Variants in NKAIN3 observed in about 807,000 individuals in gnomAD.
NKAIN3 encodes sodium/potassium-transporting ATPase subunit beta-1-interacting protein 3.
Under a neutral mutation model 30.2 loss-of-function variants are expected in NKAIN3, and 25 were observed. The observed-to-expected ratio is 0.83, with a 90% CI of 0.60 to 1.16. The LOEUF (loss-of-function observed/expected upper bound fraction) is 1.16. NKAIN3 is among the 50% of genes most tolerant of loss of function. The probability of loss-of-function intolerance (pLI) is 0.00; values close to 1 mark genes in which losing one functional copy is unlikely to be tolerated. For missense variants in NKAIN3, 225 were observed against 254.1 expected (o/e 0.89, Z 0.78); for synonymous variants, 91 against 89.6 (o/e 1.02, Z -0.09).
At chr8:62,557,569 A>G (rs1809445943) in intron 1 of NKAIN3, among the ~76,000 whole-genome samples, 1 of 151,976 alleles carries the variant, frequency 6.6e-6, no homozygotes, top group Admixed American at 6.6e-5. Context: ...GCCAGCATCT[A>G]CTGGTTTTTG....
intron 3 of NKAIN3, among the ~76,000 whole-genome samples, chr8:62,724,764 C>T (rs1440653678): frequency 1.3e-5 from 2 of 152,030 alleles, no homozygotes; most frequent in African/African-American, 4.8e-5. Context: ...ACCACATTCC[C>T]TTTATTCATT....
At chr8:62,940,501 T>C (rs913776646) in intron 5 of NKAIN3, among the ~76,000 whole-genome samples, 2 of 151,996 alleles carry the variant, frequency 1.3e-5, no homozygotes, top group African/African-American at 4.8e-5. Context: ...TTCTCCAAGG[T>C]GGACCATAAG....
chr8:62,720,906 A>G (rs1263562533), intron 3 of NKAIN3, among the ~76,000 whole-genome samples: 3 of 152,170 alleles, frequency 2.0e-5, no homozygotes, highest in Non-Finnish European at 4.4e-5. Flanking sequence ...AGTTTTTGCA[A>G]TTACAGTCCA....
intron 1 of NKAIN3, among the ~76,000 whole-genome samples, chr8:62,556,580 T>C (rs2129959540): frequency 6.6e-6 from 1 of 151,862 alleles, no homozygotes; most frequent in South Asian, 2.1e-4. Flanking sequence ...TATAGGAATA[T>C]AGAAAGTATG....
intron 1 of NKAIN3, among the ~76,000 whole-genome samples, chr8:62,551,219 A>G (rs1428134440): frequency 2.0e-5 from 3 of 152,174 alleles, no homozygotes; most frequent in Non-Finnish European, 4.4e-5. Context: ...TCCTAAGTAG[A>G]TAAGAGGGAA....
chr8:62,914,777 C>CTTTTTTTTTT (rs34474788), intron 4 of NKAIN3, among the ~76,000 whole-genome samples: 1 of 112,188 alleles, frequency 8.9e-6, no homozygotes, highest in African/African-American at 3.2e-5. Context: ...TTACTGTAAT[C>CTTTTTTTTTT]TTTTTTTTTT....
chr8:62,490,120 A>G (rs949036627), intron 1 of NKAIN3, among the ~76,000 whole-genome samples: 4 of 152,214 alleles, frequency 2.6e-5, no homozygotes, highest in Non-Finnish European at 5.9e-5. Context: ...TTGGCACTGT[A>G]CATTTCATCC....
intron 1 of NKAIN3, among the ~76,000 whole-genome samples, chr8:62,403,319 A>G (rs1001597769): frequency 6.6e-6 from 1 of 152,248 alleles, no homozygotes; most frequent in Non-Finnish European, 1.5e-5. Flanking sequence ...CAAGCCAGCT[A>G]CAGAAATCTG....
intron 4 of NKAIN3, among the ~76,000 whole-genome samples, chr8:62,820,753 A>C (rs745399567): frequency 2.0e-5 from 3 of 152,120 alleles, no homozygotes; most frequent in Non-Finnish European, 4.4e-5. Flanking sequence ...AACTTCTTGG[A>C]GTAAGTGAGA....
chr8:62,837,963 A>G lies in NKAIN3; in HGVS notation c.472-80490A>G, dbSNP rs115476810. ...TGTATAGTCTGGGTTTATTATGTGC[A>G]AGGTACGTCCTAATGCTGATAAGAA... On this transcript the variant is annotated intron_variant, in intron 4 of 6. Coordinates refer to ENST00000623646, the MANE Select transcript of NKAIN3 (RefSeq NM_001304533.3). 5.1e-3 allele frequency among the ~76,000 whole-genome samples: 778 copies of G among 152,180 alleles called. 4 individuals carry two copies. The highest frequency in any genetic ancestry group is 0.015 in the African/African-American group (627 of 41,550).
rs145171371 is a variant in NKAIN3 at position 62,631,080 on chromosome 8, C to A, written c.273+41286C>A. On this transcript the variant is annotated intron_variant, in intron 3 of 6. Coordinates refer to ENST00000623646, the MANE Select transcript of NKAIN3 (RefSeq NM_001304533.3). The stretch of plus-strand genomic sequence containing the variant: ...CCAATGGAGCTGCTCTCTCAGTGGC[C>A]ACTAATAACCACTTCATGTAAATTC... Among the ~76,000 whole-genome samples, 105 of 152,226 alleles carry A rather than the reference C, an allele frequency of 6.9e-4. 1 individual carries two copies. In the Middle Eastern group the frequency reaches 0.01, roughly 15 times the overall value.
At chr8:62,869,116 T>C (rs545588053) in intron 4 of NKAIN3, among the ~76,000 whole-genome samples, 2 of 152,204 alleles carry the variant, frequency 1.3e-5, no homozygotes, top group African/African-American at 4.8e-5. Flanking sequence ...GGAAAAGAAA[T>C]GGTGATTCTA....
At chr8:62,898,228 G>GA (rs5891877) in intron 4 of NKAIN3, among the ~76,000 whole-genome samples, 91,222 of 151,658 alleles carry the variant, frequency 0.6, 27,743 homozygotes, top group East Asian at 0.82. Flanking sequence ...GGAATCAAAG[G>GA]AAAAAAATCA....
intron 4 of NKAIN3, among the ~76,000 whole-genome samples, chr8:62,827,663 A>G (rs1819068137): frequency 6.6e-6 from 1 of 152,190 alleles, no homozygotes; most frequent in Non-Finnish European, 1.5e-5. Context: ...ACCAGATAGA[A>G]GTCTACAAAC....
At chr8:62,296,543 T>TA (rs1466787275) in intron 1 of NKAIN3, among the ~76,000 whole-genome samples, 3 of 151,960 alleles carry the variant, frequency 2.0e-5, no homozygotes, top group Non-Finnish European at 2.9e-5. Flanking sequence ...AACTTTTTTT[T>TA]AAAAAAAGAG....
intron 1 of NKAIN3, among the ~76,000 whole-genome samples, chr8:62,439,298 C>A (rs530825958): frequency 6.6e-6 from 1 of 152,226 alleles, no homozygotes; most frequent in East Asian, 1.9e-4. Context: ...GTGCAACTTA[C>A]AGTTTACAAA....
intron 1 of NKAIN3, among the ~76,000 whole-genome samples, chr8:62,563,317 T>G (rs979910645): frequency 1.3e-5 from 2 of 152,150 alleles, no homozygotes; most frequent in African/African-American, 4.8e-5. Context: ...GAAGTCGCAC[T>G]CTTTGAGATC....
At chr8:62,850,965 T>C (rs190512280) in intron 4 of NKAIN3, among the ~76,000 whole-genome samples, 3,953 of 152,024 alleles carry the variant, frequency 0.026, 173 homozygotes, top group African/African-American at 0.09. Flanking sequence ...ATATGAACTT[T>C]AAAGTAGTTT....
At chr8:62,405,414 G>A (rs533747137) in intron 1 of NKAIN3, among the ~76,000 whole-genome samples, 3 of 152,332 alleles carry the variant, frequency 2.0e-5, no homozygotes, top group East Asian at 3.9e-4. Context: ...CTGTGGTGGT[G>A]GAGCTGCAAG....
Sources: gnomAD v4.1 joint callset for allele counts (sites outside exome capture counted in the v4.1 genomes callset) on GRCh38, gnomAD v4.1.1 for gene constraint, MANE v1.5 for transcripts, NCBI Gene and HGNC (gene_info 2026-07-23, HGNC 2026-07-21) for gene names.